Variants in MAIP1 observed in about 807,000 individuals in gnomAD.
The protein encoded by MAIP1 is matrix AAA peptidase interacting protein 1.
MAIP1 carries 28 observed loss-of-function variants against 31.2 expected under a neutral mutation model. That is an observed-to-expected ratio of 0.90 (90% CI 0.67 to 1.23). The LOEUF is 1.23. MAIP1 is among the 50% of genes most tolerant of loss of function. MAIP1 has a pLI of 0.00. For synonymous variants in MAIP1, 142 were observed against 142.3 expected (o/e 1.00, Z 0.02); for missense variants, 339 against 356.0 (o/e 0.95, Z 0.38).
At chr2:199,956,278 G>T (rs1347650050) in intron 1 of MAIP1, 30 bp downstream of exon 1, 1 of 1,530,878 alleles carries the variant, frequency 6.5e-7, no homozygotes, top group Non-Finnish European at 9.0e-7. Flanking sequence ...TGACCTATCC[G>T]TCTCTAATGA....
intron 2 of MAIP1, 130 bp from the exon 3 acceptor site, chr2:199,959,624 T>G: frequency 1.4e-6 from 1 of 739,476 alleles, no homozygotes; most frequent in Non-Finnish European, 2.2e-6. Context: ...GCCTTGCTTT[T>G]GAGGATGAGT....
At chr2:199,955,399 G>A (rs1208672387), upstream of MAIP1, 4 of 1,613,672 alleles carry the variant, frequency 2.5e-6, 1 homozygote, top group South Asian at 4.4e-5. Context: ...TCACCTGTGG[G>A]TAGAGGTGCT....
Position 199,964,075 on chromosome 2 carries a change from A to T in MAIP1, c.*264A>T, listed in dbSNP as rs181294897. On this transcript the variant is annotated 3_prime_UTR_variant, in exon 5 of 5. Transcript: ENST00000392290. ...TATTCAATAACATTTCCAATGCTAC[A>T]TATAATTTTATAGACATAATAAAGA... The T allele has an allele frequency of 1.3e-5, 3 of 227,196 alleles. No individual in the cohort carries two copies. Among genetic ancestry groups the T allele is most frequent in the Non-Finnish European group, 2.6e-5 (3 of 116,688 alleles). The allele number at this position is 227,196 out of a possible 1,614,324, so 14.1% of individuals were successfully genotyped here.
At chr2:199,955,581 C>G, upstream of MAIP1, 1 of 1,405,764 alleles carries the variant, frequency 7.1e-7, no homozygotes, top group South Asian at 1.3e-5. Context: ...GCGAGGCCGG[C>G]AGACTCCAGA....
chr2:199,956,093 G>A lies in MAIP1; in HGVS notation c.295G>A (p.Glu99Lys). 1 of 1,614,136 alleles carries A rather than the reference G, an allele frequency of 6.2e-7. No individual in the cohort carries two copies. The highest frequency in any genetic ancestry group is 2.2e-5 in the East Asian group (1 of 44,876). ...PACPQRSYSTEEKPQQHQKTK... is the reference protein window; with the variant it reads ...PACPQRSYSTKEKPQQHQKTK... ...CTGCCCTCAGCGCAGCTACAGCACG[G>A]AGGAGAAGCCCCAGCAGCACCAGAA... The change falls in exon 1 of 5, where the codon GAG becomes AAG. Residue 99 changes from glutamate to lysine, a missense_variant. Coordinates refer to ENST00000392290, the MANE Select transcript of MAIP1 (RefSeq NM_001394955.1).
rs1241037580 is a variant in MAIP1 at position 199,955,714 on chromosome 2, T to C, written c.-85T>C. On this transcript the variant is annotated 5_prime_UTR_variant, in exon 1 of 5. Transcript: ENST00000392290. ...AACAGGTCCACTTTGCTCTCCAGTC[T>C]CTTTCTCCGACACCGCTGAGGCGGT... The C allele has an allele frequency of 9.6e-6, 13 of 1,360,734 alleles. No individual in the cohort carries two copies. Among genetic ancestry groups the C allele is most frequent in the Non-Finnish European group, 1.3e-5 (13 of 1,006,248 alleles). 84.3% of individuals were successfully genotyped at this position (1,360,734 alleles called of 1,614,324 possible).
chr2:199,956,225 G>C lies in MAIP1; in HGVS notation c.427G>C (p.Glu143Gln), dbSNP rs769451930. ...TTTCGACAAAGAGTTCAGCATCACAGAGTTCTCCGAGGGAGCGAAGCAGGT... is the reference window on the plus strand; with the variant it reads ...TTTCGACAAAGAGTTCAGCATCACACAGTTCTCCGAGGGAGCGAAGCAGGT... ...AYFDKEFSIT[E>Q]FSEGAKQAFA... The change falls in exon 1 of 5, where the codon GAG (glutamate) becomes CAG (glutamine). Residue 143 changes from glutamate to glutamine, a missense_variant. Glu to Gln is a conservative substitution (Grantham distance 29). Transcript: ENST00000392290. The C allele has an allele frequency of 6.2e-7, 1 of 1,612,752 alleles. No homozygotes were observed. Among genetic ancestry groups the C allele is most frequent in the East Asian group, 2.2e-5 (1 of 44,852 alleles).
At chr2:199,955,450 C>G, upstream of MAIP1, 3 of 1,613,842 alleles carry the variant, frequency 1.9e-6, no homozygotes, top group African/African-American at 1.3e-5. Flanking sequence ...GCCGGGGTAC[C>G]GGGAGGTGCT....
chr2:199,956,309 A>G, intron 1 of MAIP1, 61 bp downstream of exon 1: 2 of 1,300,108 alleles, frequency 1.5e-6, no homozygotes. Flanking sequence ...TGCTCGCAGA[A>G]GTGCTTAGCA....
intron 4 of MAIP1, among the ~76,000 whole-genome samples, chr2:199,963,517 ATACT>A (rs1217380455): frequency 6.6e-6 from 1 of 152,222 alleles, no homozygotes; most frequent in Admixed American, 6.5e-5. Context: ...TCCATTAAAA[ATACT>A]TACATTACTT....
chr2:199,963,371 A>G (rs1023863397), intron 4 of MAIP1, among the ~76,000 whole-genome samples: 2 of 152,200 alleles, frequency 1.3e-5, no homozygotes, highest in Admixed American at 1.3e-4. Flanking sequence ...TTGCATCACC[A>G]GAGTCCAGTT....
Position 199,961,790 on chromosome 2 carries a change from TTGTTAACATCCTGA to T in MAIP1, c.663_676del (p.Asn222LeufsTer12), listed in dbSNP as rs760578293. 6.2e-7 allele frequency: 1 copy of T among 1,611,614 alleles called. No homozygotes were observed. Among genetic ancestry groups the T allele is most frequent in the Non-Finnish European group, 8.5e-7 (1 of 1,179,160 alleles). On this transcript the variant is annotated frameshift_variant, in exon 4 of 5. Transcript: ENST00000392290. LOFTEE classifies it high-confidence loss of function. ...ATGTTTTTTCTCTAAGGAAGGAAGT[TTGTTAACATCCTGA>T]TGTGCTTTTGGTATCTAACCAGTGC... is the stretch of plus-strand genomic sequence containing the variant.
At chr2:199,955,462 C>T (rs775492128), upstream of MAIP1, 46 of 1,613,592 alleles carry the variant, frequency 2.9e-5, no homozygotes, top group Middle Eastern at 4.9e-4. Context: ...GGAGGTGCTG[C>T]CCGGCCATGG....
In MAIP1 at chr2:199,955,918, C is replaced by T. The variant is rs551669852; in HGVS notation, c.120C>T (p.Cys40=). The change falls in exon 1 of 5, where the codon TGC becomes TGT. Residue 40 remains cysteine (C), a synonymous_variant. Coordinates refer to ENST00000392290, the MANE Select transcript of MAIP1 (RefSeq NM_001394955.1). ...TGAGGCTGCCGTCGGCCACACTTTG[C>T]TACTTCTGCCGCTGTCGCCTCGGCT... The part of the protein sequence containing the change: ...AEVRLPSATL[C]YFCRCRLGLG... The T allele has an allele frequency of 6.3e-6, 10 of 1,595,028 alleles. No homozygotes were observed. The highest frequency in any genetic ancestry group is 8.6e-6 in the Non-Finnish European group (10 of 1,169,412).
rs1559311245 is a variant in MAIP1, at chr2:199,956,227, G to A, written c.429G>A (p.Glu143=). The change falls in exon 1 of 5, where the codon GAG becomes GAA. Residue 143 remains glutamate, a synonymous_variant. Transcript: ENST00000392290. ...TCGACAAAGAGTTCAGCATCACAGAGTTCTCCGAGGGAGCGAAGCAGGTTT... is the reference window on the plus strand; with the variant it reads ...TCGACAAAGAGTTCAGCATCACAGAATTCTCCGAGGGAGCGAAGCAGGTTT... The part of the protein sequence containing the change: ...AYFDKEFSIT[E]FSEGAKQAFA... 3 of 1,612,644 alleles carry A rather than the reference G, an allele frequency of 1.9e-6. No individual in the cohort carries two copies. The highest frequency in any genetic ancestry group is 2.5e-6 in the Non-Finnish European group (3 of 1,179,080).
Position 199,963,415 on chromosome 2 carries a change from A to G in MAIP1, c.798-318A>G, listed in dbSNP as rs536577827. Among the ~76,000 whole-genome samples, 4 of 152,282 alleles carry G rather than the reference A, an allele frequency of 2.6e-5. No homozygotes were observed. In the South Asian group the frequency reaches 8.3e-4, roughly 32 times the overall value. On this transcript the variant is annotated intron_variant, in intron 4 of 4. Coordinates refer to ENST00000392290, the MANE Select transcript of MAIP1 (RefSeq NM_001394955.1). ...CTCATATTAGGCATGTGTTATAGCT[A>G]GTATTTAACACATACTAGCTATATG...
intron 4 of MAIP1, 79 bp downstream of exon 4, chr2:199,962,007 T>C: frequency 1.6e-6 from 2 of 1,271,730 alleles, no homozygotes; most frequent in Non-Finnish European, 2.2e-6. Flanking sequence ...TAAGAGATCT[T>C]TAGGAAGAAA....
chr2:199,959,623 T>C, intron 2 of MAIP1, 131 bp from the exon 3 acceptor site: 1 of 737,676 alleles, frequency 1.4e-6, no homozygotes, highest in Non-Finnish European at 2.2e-6. Flanking sequence ...AGCCTTGCTT[T>C]TGAGGATGAG....
chr2:199,955,510 C>G (rs759075149), upstream of MAIP1: 27 of 1,605,924 alleles, frequency 1.7e-5, no homozygotes, highest in Non-Finnish European at 2.2e-5. Context: ...TTCGGAACTT[C>G]GGCTCTAAAG....
Sources: gnomAD v4.1 joint callset for allele counts (sites outside exome capture counted in the v4.1 genomes callset) on GRCh38, gnomAD v4.1.1 for gene constraint, MANE v1.5 for transcripts, NCBI Gene and HGNC (gene_info 2026-07-23, HGNC 2026-07-21) for gene names.